Variants in SUPT3H observed in about 807,000 individuals in gnomAD.
SUPT3H encodes the protein SPT3 homolog, SAGA and STAGA complex component.
SUPT3H carries 44 observed loss-of-function variants against 44.3 expected under a neutral mutation model. That is an observed-to-expected ratio of 0.99 (90% CI 0.78 to 1.28). The LOEUF is 1.28. SUPT3H is among the 50% of genes most tolerant of loss of function. The pLI is 0.00. For synonymous variants in SUPT3H, 124 were observed against 125.6 expected, an observed-to-expected ratio of 0.99 and a Z score of 0.09; for missense variants, 380 against 387.1, an observed-to-expected ratio of 0.98 and a Z score of 0.15.
chr6:45,313,683 A>G (rs1784303037), intron 2 of SUPT3H, among the ~76,000 whole-genome samples: 1 of 151,334 alleles, frequency 6.6e-6, no homozygotes, highest in South Asian at 2.1e-4. Context: ...CCACGACCAG[A>G]CGGATTCACA....
chr6:45,148,221 T>C (rs1392153432), intron 2 of SUPT3H, among the ~76,000 whole-genome samples: 2 of 152,152 alleles, frequency 1.3e-5, no homozygotes, highest in Non-Finnish European at 2.9e-5. Flanking sequence ...TTAACAAACA[T>C]ATACCATATT....
intron 2 of SUPT3H, among the ~76,000 whole-genome samples, chr6:45,108,190 A>G (rs78567457): frequency 6.6e-6 from 1 of 152,338 alleles, no homozygotes; most frequent in East Asian, 1.9e-4. Flanking sequence ...AAAAAGAAAT[A>G]GGCCAGGCAC....
chr6:45,006,014 T>C (rs1782667917), intron 5 of SUPT3H, among the ~76,000 whole-genome samples: 2 of 152,172 alleles, frequency 1.3e-5, no homozygotes, highest in African/African-American at 4.8e-5. Flanking sequence ...TTGTGTCTTC[T>C]ATAATTATTC....
chr6:45,038,339 A>T (rs571942597), intron 3 of SUPT3H, among the ~76,000 whole-genome samples: 4 of 152,310 alleles, frequency 2.6e-5, no homozygotes, highest in African/African-American at 9.6e-5. Context: ...TTTTACTAGC[A>T]TTAAAACACA....
chr6:45,374,750 A>G (rs1387063325), intron 1 of SUPT3H, among the ~76,000 whole-genome samples: 1 of 152,144 alleles, frequency 6.6e-6, no homozygotes, highest in Non-Finnish European at 1.5e-5. Flanking sequence ...CCAAAAGATG[A>G]TTTTCTTCCA....
At chr6:45,106,432 A>T (rs1316317150) in intron 2 of SUPT3H, among the ~76,000 whole-genome samples, 2 of 152,162 alleles carry the variant, frequency 1.3e-5, no homozygotes, top group Non-Finnish European at 2.9e-5. Context: ...ACCCTGTTTT[A>T]AAAAAAGACA....
intron 6 of SUPT3H, among the ~76,000 whole-genome samples, chr6:44,989,279 T>C (rs1295454459): frequency 6.6e-6 from 1 of 152,170 alleles, no homozygotes; most frequent in Non-Finnish European, 1.5e-5. Flanking sequence ...CATAATATAC[T>C]CTAGGTTCAT....
At chr6:45,119,445 C>A (rs1418508740) in intron 2 of SUPT3H, among the ~76,000 whole-genome samples, 3 of 152,120 alleles carry the variant, frequency 2.0e-5, no homozygotes, top group Non-Finnish European at 4.4e-5. Context: ...CCACTATTAT[C>A]TCAGACCACA....
intron 2 of SUPT3H, among the ~76,000 whole-genome samples, chr6:45,200,498 T>G (rs141861863): frequency 1.3e-5 from 2 of 151,532 alleles, no homozygotes; most frequent in Admixed American, 6.6e-5. Context: ...AGCCTCATAT[T>G]TTTTAGGTGC....
intron 11 of SUPT3H, among the ~76,000 whole-genome samples, chr6:44,812,533 C>G (rs1437746422): frequency 6.6e-6 from 1 of 152,140 alleles, no homozygotes; most frequent in African/African-American, 2.4e-5. Context: ...GATTAGCAAC[C>G]TTCATGCCAT....
At chr6:45,083,276 C>T (rs1288460883) in intron 3 of SUPT3H, among the ~76,000 whole-genome samples, 1 of 151,870 alleles carries the variant, frequency 6.6e-6, no homozygotes, top group Non-Finnish European at 1.5e-5. Context: ...AATGCAACCT[C>T]CGCCTCCCAG....
At chr6:45,058,609 T>C (rs1253069698) in intron 3 of SUPT3H, among the ~76,000 whole-genome samples, 1 of 152,118 alleles carries the variant, frequency 6.6e-6, no homozygotes, top group Non-Finnish European at 1.5e-5. Flanking sequence ...TCTTACATAC[T>C]GGTTTTAAGA....
intron 2 of SUPT3H, among the ~76,000 whole-genome samples, chr6:45,107,504 G>A (rs935036082): frequency 2.0e-5 from 3 of 152,064 alleles, no homozygotes; most frequent in Non-Finnish European, 4.4e-5. Context: ...GAAGCTTTGA[G>A]TAGGAGAGGA....
At chr6:44,887,011 G>C (rs1046273632) in intron 10 of SUPT3H, among the ~76,000 whole-genome samples, 19 of 152,154 alleles carry the variant, frequency 1.2e-4, no homozygotes, top group African/African-American at 4.6e-4. Context: ...AAGATCAAAA[G>C]AGACAAAGAA....
In SUPT3H at chr6:45,233,421, C is replaced by T. The variant is rs535910796; in HGVS notation, c.102-127415G>A. Among the ~76,000 whole-genome samples, 5 of 152,248 alleles carry T rather than the reference C, an allele frequency of 3.3e-5. No individual in the cohort carries two copies. The South Asian group carries it at 8.3e-4, about 25-fold the overall frequency. Reference sequence around the variant, plus strand: ...TGTGTGAGTGAGCCAGCGTGAGTACCCTGTCCAGTCTAATGCCTTGGTGAG... The same window carrying T: ...TGTGTGAGTGAGCCAGCGTGAGTACTCTGTCCAGTCTAATGCCTTGGTGAG... On this transcript the variant is annotated intron_variant, in intron 2 of 10. Transcript: ENST00000371459.
intron 2 of SUPT3H, among the ~76,000 whole-genome samples, chr6:45,133,540 A>G (rs1024686540): frequency 6.6e-6 from 1 of 152,210 alleles, no homozygotes; most frequent in Non-Finnish European, 1.5e-5. Context: ...CCAAAAATAT[A>G]AAGCTTGACA....
chr6:45,202,787 A>C (rs1056454867), intron 2 of SUPT3H, among the ~76,000 whole-genome samples: 3 of 152,176 alleles, frequency 2.0e-5, no homozygotes, highest in African/African-American at 7.2e-5. Flanking sequence ...AATGAACTAA[A>C]GAGCAAATTG....
chr6:45,037,804 C>CAAAAA (rs201001723), intron 3 of SUPT3H, among the ~76,000 whole-genome samples: 1 of 131,640 alleles, frequency 7.6e-6, no homozygotes. Context: ...AACTCAGTCT[C>CAAAAA]AAAAAAAAAA....
Position 44,893,990 on chromosome 6 carries a change from T to C in SUPT3H, c.912+38663A>G, listed in dbSNP as rs1282956839. Among the ~76,000 whole-genome samples the C allele has an allele frequency of 1.3e-4, 19 of 141,716 alleles. No individual in the cohort carries two copies. In the East Asian group the frequency reaches 1.7e-3, roughly 12 times the overall value. 93.0% of individuals were successfully genotyped at this position (141,716 alleles called of 152,430 possible). On this transcript the variant is annotated intron_variant, in intron 10 of 10. Coordinates refer to ENST00000371459, the MANE Select transcript of SUPT3H (RefSeq NM_003599.4). Reference sequence around the variant, plus strand: ...ATGGCCAGTGATGGTGAGCATTTTTTCATGTGTTTTTTGGCTGCATAAATG... The same window carrying C: ...ATGGCCAGTGATGGTGAGCATTTTTCCATGTGTTTTTTGGCTGCATAAATG...
Sources: allele counts gnomAD v4.1 joint callset (sites outside exome capture counted in the v4.1 genomes callset), GRCh38; gene constraint gnomAD v4.1.1; transcripts MANE v1.5; gene names NCBI Gene and HGNC (gene_info 2026-07-23, HGNC 2026-07-21).